ACVR1: variants seen among roughly 807,000 people sequenced by gnomAD.
ACVR1 encodes the protein activin receptor type-1.
ACVR1 carries 38 observed loss-of-function variants against 57.1 expected under a neutral mutation model. That is an observed-to-expected ratio of 0.67 (90% CI 0.51 to 0.87). The LOEUF is 0.87. Ranked by LOEUF, ACVR1 falls within the 40% of genes least tolerant of loss-of-function variation. The pLI, the probability that ACVR1 is intolerant of heterozygous loss-of-function variation, is 0.00. For synonymous variants in ACVR1, 212 were observed against 228.1 expected (o/e 0.93, Z 0.63); for missense variants, 463 against 638.2 (o/e 0.73, Z 2.96).
At chr2:157,796,019 T>C (rs1475251840) in intron 3 of ACVR1, among the ~76,000 whole-genome samples, 2 of 150,648 alleles carry the variant, frequency 1.3e-5, no homozygotes, top group African/African-American at 2.4e-5. Flanking sequence ...AGCCCAGGAG[T>C]TGGACACCAG....
At chr2:157,855,308 G>GTGTGTA (rs1307480066) in intron 1 of ACVR1, among the ~76,000 whole-genome samples, 38 of 51,668 alleles carry the variant, frequency 7.4e-4, no homozygotes, top group South Asian at 3.1e-3. Flanking sequence ...GTGTGTGTGT[G>GTGTGTA]TATATATATA....
At position 157,860,514 on chromosome 2, in the gene ACVR1, T is replaced by G. The variant is rs1689683635; in HGVS notation, c.-183+15282A>C. Reference sequence around the variant, plus strand: ...CAGGATAAGTGGTTAAGCTAATGGTTTTCTTCAAAGCCAATTTCTCAAAAC... The same window carrying G: ...CAGGATAAGTGGTTAAGCTAATGGTGTTCTTCAAAGCCAATTTCTCAAAAC... On this transcript the variant is annotated intron_variant, in intron 1 of 10. Transcript: ENST00000434821. 3.3e-5 allele frequency among the ~76,000 whole-genome samples: 5 copies of G among 152,252 alleles called. 1 individual carries two copies. The South Asian group carries it at 1.0e-3, about 31-fold the overall frequency.
chr2:157,845,424 C>T lies in ACVR1; in HGVS notation c.-182-26865G>A, dbSNP rs140407582. Reference sequence around the variant, plus strand: ...AAGGTCATGTGAAGATGAAGGTACACATTGGAGTCATGCTGCCACAAACCA... The same window carrying T: ...AAGGTCATGTGAAGATGAAGGTACATATTGGAGTCATGCTGCCACAAACCA... On this transcript the variant is annotated intron_variant, in intron 1 of 10. Transcript: ENST00000434821. 3.0e-4 allele frequency among the ~76,000 whole-genome samples: 45 copies of T among 152,236 alleles called. No individual in the cohort carries two copies. The East Asian group carries it at 7.2e-3, about 24-fold the overall frequency.
In ACVR1 at chr2:157,830,507, G is replaced by A. The variant is rs74658113; in HGVS notation, c.-182-11948C>T. 3.7e-3 allele frequency among the ~76,000 whole-genome samples: 563 copies of A among 152,220 alleles called. 8 individuals carry two copies. Among genetic ancestry groups the A allele is most frequent in the African/African-American group, 0.013 (542 of 41,542 alleles). On this transcript the variant is annotated intron_variant, in intron 1 of 10. Coordinates refer to ENST00000434821, the MANE Select transcript of ACVR1 (RefSeq NM_001111067.4). Reference sequence around the variant, plus strand: ...CTGATTTCATACAAAAAGACAATGTGTAAACTAAGTGTATATACTCAACCA... The same window carrying A: ...CTGATTTCATACAAAAAGACAATGTATAAACTAAGTGTATATACTCAACCA...
intron 1 of ACVR1, among the ~76,000 whole-genome samples, chr2:157,870,926 A>G (rs1403674417): frequency 1.3e-5 from 2 of 152,180 alleles, no homozygotes; most frequent in East Asian, 3.9e-4. Context: ...TCTTGTCAGC[A>G]ATCTCCCTGG....
At chr2:157,771,468 A>G (rs2105267660) in intron 6 of ACVR1, among the ~76,000 whole-genome samples, 1 of 152,276 alleles carries the variant, frequency 6.6e-6, no homozygotes, top group African/African-American at 2.4e-5. Flanking sequence ...TAATTACCAC[A>G]AGACTATGAG....
chr2:157,764,293 C>T (rs1685777548), intron 8 of ACVR1, among the ~76,000 whole-genome samples: 1 of 152,036 alleles, frequency 6.6e-6, no homozygotes. Flanking sequence ...AGCAATTCTG[C>T]TGCCTCAGCC....
rs144048685 is a variant in ACVR1, at chr2:157,765,949, C to T, written c.1038G>A (p.Lys346=). Residue 346 remains lysine (K), a synonymous_variant, in exon 8 of 11, where the codon AAG becomes AAA. Transcript: ENST00000434821. Reference sequence around the variant, plus strand: ...AATCTGCTATGCAACACTGTCCATTCTTCTTAACCAGAATATTTTTGCTCT... The same window carrying T: ...AATCTGCTATGCAACACTGTCCATTTTTCTTAACCAGAATATTTTTGCTCT... ...DLKSKNILVK[K]NGQCCIADLG... The T allele has an allele frequency of 6.2e-7, 1 of 1,614,124 alleles. No individual in the cohort carries two copies. Among genetic ancestry groups the T allele is most frequent in the Non-Finnish European group, 8.5e-7 (1 of 1,179,992 alleles).
chr2:157,765,822 G>A lies in ACVR1; in HGVS notation c.1066+99C>T, dbSNP rs1320376262. On this transcript the variant is annotated intron_variant, in intron 8 of 10. Transcript: ENST00000434821. ...AAATGTTCAACTTTTCTGCATGTTT[G>A]AAATTTTGCATAACATGTTGTGGGG... 5.4e-6 allele frequency: 7 copies of A among 1,287,102 alleles called. No homozygotes were observed. The African/African-American group carries it at 5.9e-5, about 11-fold the overall frequency. 79.7% of individuals were successfully genotyped at this position (1,287,102 alleles called of 1,614,324 possible).
At chr2:157,816,547 T>C (rs954618997) in intron 2 of ACVR1, among the ~76,000 whole-genome samples, 1 of 151,946 alleles carries the variant, frequency 6.6e-6, no homozygotes, top group Non-Finnish European at 1.5e-5. Flanking sequence ...CAGCGTGCCA[T>C]GATTGCATCA....
Position 157,778,320 on chromosome 2 carries a change from C to G in ACVR1, c.354G>C (p.Gln118His). The change falls in exon 5 of 11, where the codon CAG (glutamine) becomes CAC (histidine). Residue 118 changes from glutamine to histidine, a missense_variant. This residue lies in a region of ACVR1 where 203 missense variants were observed against 235.5 expected (regional missense o/e 0.86). Coordinates refer to ENST00000434821, the MANE Select transcript of ACVR1 (RefSeq NM_001111067.4). The part of the protein sequence containing the change: ...PTKGKSFPGT[Q>H]NFHLEVGLII... ...TGAGGCCAACCTCCAAGTGGAAATT[C>G]TGTGTTCCAGGGAAGGATTTTCCTG... 5.6e-6 allele frequency: 9 copies of G among 1,613,974 alleles called. No individual in the cohort carries two copies. Among genetic ancestry groups the G allele is most frequent in the Non-Finnish European group, 5.9e-6 (7 of 1,179,956 alleles).
At chr2:157,831,631 A>T (rs868841052) in intron 1 of ACVR1, among the ~76,000 whole-genome samples, 1 of 152,230 alleles carries the variant, frequency 6.6e-6, no homozygotes, top group Admixed American at 6.5e-5. Flanking sequence ...TCAAAAGTTG[A>T]GAATTCACTG....
chr2:157,843,551 G>A (rs1689039521), intron 1 of ACVR1, among the ~76,000 whole-genome samples: 1 of 152,154 alleles, frequency 6.6e-6, no homozygotes, highest in African/African-American at 2.4e-5. Context: ...CTTCCTTAAT[G>A]TCACAAAGCT....
chr2:157,828,778 G>T (rs1320320488), intron 1 of ACVR1, among the ~76,000 whole-genome samples: 1 of 147,552 alleles, frequency 6.8e-6, no homozygotes, highest in Non-Finnish European at 1.5e-5. Context: ...TTGTTTGTTT[G>T]TTTTTTGAGA....
intron 4 of ACVR1, among the ~76,000 whole-genome samples, chr2:157,778,619 C>A (rs1323668578): frequency 6.6e-6 from 1 of 152,132 alleles, no homozygotes; most frequent in Non-Finnish European, 1.5e-5. Flanking sequence ...AAGTACTGTA[C>A]AAATCTTTGA....
At chr2:157,829,661 G>A (rs1213177288) in intron 1 of ACVR1, among the ~76,000 whole-genome samples, 1 of 152,082 alleles carries the variant, frequency 6.6e-6, no homozygotes, top group Non-Finnish European at 1.5e-5. Flanking sequence ...CTTTGCACTT[G>A]TCTGCCTGAA....
intron 3 of ACVR1, among the ~76,000 whole-genome samples, chr2:157,792,896 A>G (rs1163250247): frequency 6.6e-6 from 1 of 152,150 alleles, no homozygotes; most frequent in Non-Finnish European, 1.5e-5. Context: ...GTCTTACACT[A>G]TCTTGGAATG....
At chr2:157,856,894 C>G (rs1206851576) in intron 1 of ACVR1, among the ~76,000 whole-genome samples, 1 of 152,146 alleles carries the variant, frequency 6.6e-6, no homozygotes, top group Non-Finnish European at 1.5e-5. Flanking sequence ...TTCTTTCAAT[C>G]CTGTTGAAAA....
intron 9 of ACVR1, among the ~76,000 whole-genome samples, chr2:157,748,270 AG>A (rs1340561547): frequency 6.6e-6 from 1 of 152,156 alleles, no homozygotes; most frequent in Non-Finnish European, 1.5e-5. Flanking sequence ...TGCTTGGCTC[AG>A]CTCTGGCACC....
Sources: allele counts gnomAD v4.1 joint callset (sites outside exome capture counted in the v4.1 genomes callset), GRCh38; gene constraint gnomAD v4.1.1; regional missense constraint gnomAD v4.1.1; transcripts MANE v1.5; gene names NCBI Gene and HGNC (gene_info 2026-07-23, HGNC 2026-07-21).